Variants in CAPN12 observed in about 807,000 individuals in gnomAD.
CAPN12 encodes calpain 12, also known as calpain-12.
Under a neutral mutation model 95.0 loss-of-function variants are expected in CAPN12, and 107 were observed. The observed-to-expected ratio is 1.13, with a 90% CI of 0.96 to 1.32. The LOEUF (loss-of-function observed/expected upper bound fraction) is 1.32. Ranked by LOEUF, CAPN12 falls within the 40% of genes most tolerant of loss-of-function variation. The pLI, the probability that CAPN12 is intolerant of heterozygous loss-of-function variation, is 0.00. For synonymous variants in CAPN12, 505 were observed against 415.5 expected (o/e 1.22, Z -2.62); for missense variants, 1,136 against 997.8 (o/e 1.14, Z -1.87).
At chr19:38,731,055 C>T in intron 19 of CAPN12, 32 bp from the exon 20 acceptor site, 1 of 1,560,680 alleles carries the variant, frequency 6.4e-7, no homozygotes, top group Non-Finnish European at 8.7e-7. Context: ...GAGTGCCCAC[C>T]AGTCCCCGTA....
At chr19:38,735,600 G>T in intron 12 of CAPN12, 56 bp from the exon 13 acceptor site, 2 of 1,572,144 alleles carry the variant, frequency 1.3e-6, no homozygotes, top group Non-Finnish European at 1.7e-6. Context: ...CTGGGGCTGT[G>T]TGGGACGGGG....
chr19:38,736,038 T>C, intron 12 of CAPN12, 72 bp downstream of exon 12: 1 of 901,572 alleles, frequency 1.1e-6, no homozygotes, highest in South Asian at 2.3e-5. Context: ...GTCTCGGGGG[T>C]CTCGGGGGTC....
chr19:38,737,661 C>T (rs1404439101), intron 8 of CAPN12, 23 bp from the exon 9 acceptor site: 2 of 1,535,710 alleles, frequency 1.3e-6, no homozygotes, highest in East Asian at 4.6e-5. Context: ...CCAGTCAGAC[C>T]CTGCCCGGCC....
chr19:38,731,183 G>A lies in CAPN12; in HGVS notation c.1998C>T (p.Ser666=). Residue 666 remains serine (S), a synonymous_variant, in exon 19 of 21, where the codon AGC becomes AGT. Transcript: ENST00000328867. ...LNNQLTQTLT[S]RYRDSRLRVD... ...CACGCAGACGGCTATCCCGGTAGCG[G>A]CTGGTGAGGGTCTGGGTCAGCTGGT... The A allele has an allele frequency of 1.2e-6, 2 of 1,612,998 alleles. No homozygotes were observed. Among genetic ancestry groups the A allele is most frequent in the African/African-American group, 1.3e-5 (1 of 75,048 alleles).
At chr19:38,735,655 C>T in intron 12 of CAPN12, 111 bp from the exon 13 acceptor site, 1 of 616,358 alleles carries the variant, frequency 1.6e-6, no homozygotes, top group African/African-American at 3.3e-5. Context: ...GACCGTGGAG[C>T]CCTGGGCTCA....
chr19:38,737,453 C>T (rs762804667), intron 9 of CAPN12, 22 bp downstream of exon 9: 1 of 1,612,500 alleles, frequency 6.2e-7, no homozygotes, highest in Non-Finnish European at 8.5e-7. Flanking sequence ...CAGGAAGCCT[C>T]TCAGGGCCCC....
intron 4 of CAPN12, 52 bp from the exon 5 acceptor site, chr19:38,740,271 C>A: frequency 6.7e-7 from 1 of 1,495,784 alleles, no homozygotes; most frequent in Non-Finnish European, 9.0e-7. Context: ...GCGTCTCAGG[C>A]ACCCCTGCCC....
At chr19:38,743,733 CCAGCCCTTCCTCCCTCAGA>C (rs1970723457) in intron 1 of CAPN12, among the ~76,000 whole-genome samples, 177 bp downstream of exon 1, 1 of 146,442 alleles carries the variant, frequency 6.8e-6, no homozygotes, top group African/African-American at 2.5e-5. Flanking sequence ...GAGTCCAGGC[CCAGCCCTTCCTCCCTCAGA>C]CCCAGGAGTC....
At chr19:38,734,939 G>A in intron 14 of CAPN12, 69 bp from the exon 15 acceptor site, 1 of 1,487,302 alleles carries the variant, frequency 6.7e-7, no homozygotes, top group South Asian at 1.2e-5. Context: ...CCCTGTGCTA[G>A]GGACACGGCA....
rs993700626 is a variant in CAPN12, at chr19:38,730,753, G to A, written c.*99C>T. 5.5e-6 allele frequency: 8 copies of A among 1,443,038 alleles called. No homozygotes were observed. The highest frequency in any genetic ancestry group is 1.8e-4 in the Middle Eastern group (1 of 5,500). The allele number at this position is 1,443,038 out of a possible 1,614,324, so 89.4% of individuals were successfully genotyped here. A position where few individuals can be genotyped will look rare whatever the true frequency, so the allele number is the denominator to read the frequency against. ...GGCCAGAGACTAGCCCCAGACAGGT[G>A]GATGCCAGAGAGAGTGGCACCCATG... On this transcript the variant is annotated 3_prime_UTR_variant, in exon 21 of 21. Coordinates refer to ENST00000328867, the MANE Select transcript of CAPN12 (RefSeq NM_144691.4).
At chr19:38,732,308 A>G (rs753897921) in intron 18 of CAPN12, among the ~76,000 whole-genome samples, 2 of 151,802 alleles carry the variant, frequency 1.3e-5, no homozygotes, top group African/African-American at 4.8e-5. Context: ...CTCTGACCCC[A>G]TTTCTCCCCC....
At chr19:38,733,624 T>C in intron 18 of CAPN12, 79 bp downstream of exon 18, 1 of 1,315,922 alleles carries the variant, frequency 7.6e-7, no homozygotes, top group South Asian at 1.2e-5. Context: ...CGGCCACAGC[T>C]GAGCAGGGGG....
rs965768533 is a variant in CAPN12, at chr19:38,734,365, C to T, written c.1769G>A (p.Arg590Lys). ...CTCACAGGTCCTGAGCCCGATCTCT[C>T]TGGGGGTGGAGGTATGGGCCCTGGC... ...EPARAHTSTPREIGLRTCEQL... is the reference protein window; with the variant it reads ...EPARAHTSTPKEIGLRTCEQL... The change falls in exon 16 of 21, where the codon AGA (arginine) becomes AAA (lysine). Residue 590 changes from arginine to lysine, a missense_variant. By Grantham distance (26) the Arg-to-Lys change is conservative. Coordinates refer to ENST00000328867, the MANE Select transcript of CAPN12 (RefSeq NM_144691.4). 2.5e-6 allele frequency: 4 copies of T among 1,605,868 alleles called. No individual in the cohort carries two copies. The highest frequency in any genetic ancestry group is 3.4e-6 in the Non-Finnish European group (4 of 1,175,792).
rs1162858670 is a variant in CAPN12, at chr19:38,730,408, T to C, written c.*444A>G. 1 of 184,780 alleles carries C rather than the reference T, an allele frequency of 5.4e-6. No individual in the cohort carries two copies. The highest frequency in any genetic ancestry group is 1.5e-4 in the East Asian group (1 of 6,778). The allele number at this position is 184,780 out of a possible 1,614,324, so 11.4% of individuals were successfully genotyped here. A position where few individuals can be genotyped will look rare whatever the true frequency, so the allele number is the denominator to read the frequency against. On this transcript the variant is annotated 3_prime_UTR_variant, in exon 21 of 21. Transcript: ENST00000328867. Reference sequence around the variant, plus strand: ...GGCTGATGGCCTGGCTGCCTGGTGGTTGATGGTTTTGCTCCCCCTACCTTT... The same window carrying C: ...GGCTGATGGCCTGGCTGCCTGGTGGCTGATGGTTTTGCTCCCCCTACCTTT...
rs755132279 is a variant in CAPN12 at position 38,731,029 on chromosome 19, C to T, written c.2075-6G>A. 16 of 1,555,068 alleles carry T rather than the reference C, an allele frequency of 1.0e-5. No individual in the cohort carries two copies. Among genetic ancestry groups the T allele is most frequent in the Admixed American group, 1.9e-5 (1 of 51,586 alleles). ...CAGGTGCTGGCTGCAGTGGCCTGTG[C>T]AGAGAGGGGCAGGGTGAGTGCCCAC... On this transcript the variant is annotated splice_region_variant and splice_polypyrimidine_tract_variant and intron_variant, in intron 19 of 20. Coordinates refer to ENST00000328867, the MANE Select transcript of CAPN12 (RefSeq NM_144691.4).
rs1046000863 is a variant in CAPN12, at chr19:38,730,547, CTTTT to C, written c.*301_*304del. The stretch of plus-strand genomic sequence containing the variant: ...TTAAGAAGGATTCCTGCAGCATCAT[CTTTT>C]TTTATTTCTCCTGTGTCTGTCCTCC... On this transcript the variant is annotated 3_prime_UTR_variant, in exon 21 of 21. Transcript: ENST00000328867. The C allele has an allele frequency of 1.1e-5, 5 of 466,268 alleles. No individual in the cohort carries two copies. Among genetic ancestry groups the C allele is most frequent in the African/African-American group, 1.9e-5 (1 of 51,604 alleles). The allele number at this position is 466,268 out of a possible 1,614,324, so 28.9% of individuals were successfully genotyped here. A position where few individuals can be genotyped will look rare whatever the true frequency, so the allele number is the denominator to read the frequency against.
intron 5 of CAPN12, 59 bp from the exon 6 acceptor site, chr19:38,738,707 C>T (rs1283253656): frequency 3.9e-6 from 6 of 1,538,660 alleles, no homozygotes; most frequent in African/African-American, 2.7e-5. Context: ...GCTGCTCCTC[C>T]CTGCCCCCAA....
At chr19:38,743,010 T>G in intron 2 of CAPN12, 23 bp downstream of exon 2, 7 of 1,613,162 alleles carry the variant, frequency 4.3e-6, no homozygotes, top group Non-Finnish European at 5.1e-6. Context: ...ATCTGAGGAC[T>G]CCAGGTGGGT....
chr19:38,734,972 C>T (rs1297965665), intron 14 of CAPN12, 102 bp from the exon 15 acceptor site: 25 of 1,121,056 alleles, frequency 2.2e-5, no homozygotes, highest in Admixed American at 4.1e-5. Context: ...GCCTCAGAGC[C>T]CTAGCTCCAG....
Sources: allele counts gnomAD v4.1 joint callset (sites outside exome capture counted in the v4.1 genomes callset), GRCh38; gene constraint gnomAD v4.1.1; transcripts MANE v1.5; gene names NCBI Gene and HGNC (gene_info 2026-07-23, HGNC 2026-07-21).